Variants in DEF8 observed in about 807,000 individuals in gnomAD.
The protein encoded by DEF8 is differentially expressed in FDCP 8 homolog, also known as DEF-8.
Under a neutral mutation model 59.1 loss-of-function variants are expected in DEF8, and 38 were observed. The ratio of observed to expected loss-of-function variants is 0.64; its 90% CI spans 0.50 to 0.84. The LOEUF (loss-of-function observed/expected upper bound fraction) is 0.84, where lower values mean the gene tolerates loss of function less well. DEF8 is among the 40% of genes least tolerant of loss of function. The pLI, the probability that DEF8 is intolerant of heterozygous loss-of-function variation, is 0.00. For missense variants in DEF8, 557 were observed against 615.2 expected, an observed-to-expected ratio of 0.91 and a Z score of 1.00; for synonymous variants, 265 against 250.1, an observed-to-expected ratio of 1.06 and a Z score of -0.56.
intron 5 of DEF8, chr16:89,958,677 C>T (rs2033605481): frequency 5.7e-6 from 2 of 348,216 alleles, no homozygotes; most frequent in South Asian, 5.5e-5. Flanking sequence ...TTCCATTGCC[C>T]TGCACCTAAC....
At chr16:89,962,785 T>C (rs1387478310) in intron 9 of DEF8, among the ~76,000 whole-genome samples, 1 of 152,272 alleles carries the variant, frequency 6.6e-6, no homozygotes, top group Non-Finnish European at 1.5e-5. Context: ...CTTTTTCTTT[T>C]TTGTGCCACG....
At position 89,948,756 on chromosome 16, in the gene DEF8, T is replaced by C; in HGVS notation, c.-166T>C. On this transcript the variant is annotated 5_prime_UTR_variant, in exon 1 of 13. Coordinates refer to ENST00000563594, the MANE Select transcript of DEF8 (RefSeq NM_001242818.2). ...AGCGAGCGCGGGGCTGGATCCAGCG[T>C]AGCGGGGCGGCCGGGCGGATCCAGC... is the stretch of plus-strand genomic sequence containing the variant. 1.0e-6 allele frequency: 1 copy of C among 982,946 alleles called. No individual in the cohort carries two copies. Among genetic ancestry groups the C allele is most frequent in the African/African-American group, 1.8e-5 (1 of 56,220 alleles). 60.9% of individuals were successfully genotyped at this position (982,946 alleles called of 1,614,324 possible).
chr16:89,959,662 T>C (rs191552418), intron 6 of DEF8, among the ~76,000 whole-genome samples: 2 of 151,982 alleles, frequency 1.3e-5, no homozygotes, highest in Non-Finnish European at 2.9e-5. Context: ...GCCCGGCTAA[T>C]TTTTTGTATT....
At chr16:89,956,157 G>A (rs2033145158) in intron 4 of DEF8, among the ~76,000 whole-genome samples, 1 of 149,488 alleles carries the variant, frequency 6.7e-6, no homozygotes, top group Non-Finnish European at 1.5e-5. Flanking sequence ...ACATTCAAAT[G>A]TAACTTTGAA....
chr16:89,957,484 G>C (rs1301547612), intron 4 of DEF8, 27 bp from the exon 5 acceptor site: 2 of 1,560,280 alleles, frequency 1.3e-6, no homozygotes, highest in Non-Finnish European at 1.7e-6. Context: ...ATGGGCCTTT[G>C]ACTGCCCCCG....
In DEF8 at chr16:89,967,200, C is replaced by A. The variant is rs1157009483; in HGVS notation, c.*1237C>A. ...CTCCTGTCTGTCCTTTTCCCCCACACCCTGGACTGTGCTTGGCTGTTGGTG... is the reference window on the plus strand; with the variant it reads ...CTCCTGTCTGTCCTTTTCCCCCACAACCTGGACTGTGCTTGGCTGTTGGTG... On this transcript the variant is annotated 3_prime_UTR_variant, in exon 13 of 13. Transcript: ENST00000563594. 1.1e-4 allele frequency: 42 copies of A among 398,322 alleles called. No individual in the cohort carries two copies. Among genetic ancestry groups the A allele is most frequent in the Non-Finnish European group, 4.4e-6 (1 of 226,200 alleles). The allele number at this position is 398,322 out of a possible 1,614,324, so 24.7% of individuals were successfully genotyped here.
At chr16:89,960,335 G>A (rs140387093) in intron 6 of DEF8, among the ~76,000 whole-genome samples, 100 of 152,122 alleles carry the variant, frequency 6.6e-4, no homozygotes, top group African/African-American at 2.3e-3. Flanking sequence ...GTTTGGAAAC[G>A]GAATGTAACA....
Position 89,964,577 on chromosome 16 carries a change from TGGGTGTGGCCTGGGCCCCGCACTCGG to T in DEF8, c.1253+6_1253+31del. ...CGACTGCTCCGCGGTCTTCCACAGGTGGGTGTGGCCTGGGCCCCGCACTCGGGGGCTGGGGCTCTGCGCTGTCCTCT... is the reference window on the plus strand; with the variant it reads ...CGACTGCTCCGCGGTCTTCCACAGGTGGGCTGGGGCTCTGCGCTGTCCTCT... On this transcript the variant is annotated splice_donor_5th_base_variant and intron_variant, in intron 12 of 12. Coordinates refer to ENST00000563594, the MANE Select transcript of DEF8 (RefSeq NM_001242818.2). 1 of 1,558,596 alleles carries T rather than the reference TGGGTGTGGCCTGGGCCCCGCACTCGG, an allele frequency of 6.4e-7. No homozygotes were observed. The highest frequency in any genetic ancestry group is 8.7e-7 in the Non-Finnish European group (1 of 1,153,462).
chr16:89,958,935 A>G, intron 5 of DEF8, 79 bp from the exon 6 acceptor site: 1 of 1,564,546 alleles, frequency 6.4e-7, no homozygotes, highest in South Asian at 1.2e-5. Context: ...TGGAAGAAAT[A>G]AGTTGAGGGG....
At position 89,964,684 on chromosome 16, in the gene DEF8, C is replaced by A. The variant is rs1159666986; in HGVS notation, c.1253+109C>A. 22 of 777,150 alleles carry A rather than the reference C, an allele frequency of 2.8e-5. No homozygotes were observed. In the Admixed American group the frequency reaches 4.9e-4, roughly 17 times the overall value. The allele number at this position is 777,150 out of a possible 1,614,324, so 48.1% of individuals were successfully genotyped here. On this transcript the variant is annotated intron_variant, in intron 12 of 12. Coordinates refer to ENST00000563594, the MANE Select transcript of DEF8 (RefSeq NM_001242818.2). ...GATGCCGTGGGAGCTGGCACTGCTC[C>A]CCCGAGAAAGGGGAGACATAAAGAC...
intron 9 of DEF8, 152 bp downstream of exon 9, chr16:89,962,277 C>A: frequency 1.5e-6 from 1 of 674,940 alleles, no homozygotes; most frequent in Admixed American, 2.5e-5. Flanking sequence ...CCGCGGCTGC[C>A]CTTTTGGTTG....
Position 89,966,049 on chromosome 16 carries a change from C to T in DEF8, c.*86C>T. ...AGTTGTTCCTTCTGCTCCGGAGACCCCTGGGGTGCGGCCCTGGCCCCCTCC... is the reference window on the plus strand; with the variant it reads ...AGTTGTTCCTTCTGCTCCGGAGACCTCTGGGGTGCGGCCCTGGCCCCCTCC... On this transcript the variant is annotated 3_prime_UTR_variant, in exon 13 of 13. Transcript: ENST00000563594. 2 of 1,098,780 alleles carry T rather than the reference C, an allele frequency of 1.8e-6. No homozygotes were observed. Among genetic ancestry groups the T allele is most frequent in the Non-Finnish European group, 2.7e-6 (2 of 752,438 alleles). The allele number at this position is 1,098,780 out of a possible 1,614,324, so 68.1% of individuals were successfully genotyped here.
intron 2 of DEF8, among the ~76,000 whole-genome samples, chr16:89,953,668 G>T (rs1366163281): frequency 6.6e-6 from 1 of 152,212 alleles, no homozygotes; most frequent in African/African-American, 2.4e-5. Flanking sequence ...GGTGGGCCCT[G>T]CTCACTCACC....
In DEF8 at chr16:89,961,076, C is replaced by T. The variant is rs775414042; in HGVS notation, c.660C>T (p.Cys220=). Residue 220 remains cysteine (C), a synonymous_variant, in exon 7 of 13, where the codon TGC becomes TGT. Coordinates refer to ENST00000563594, the MANE Select transcript of DEF8 (RefSeq NM_001242818.2). ...LDSQDYRCAE[C]RAPISLRGVP... Reference sequence around the variant, plus strand: ...GCCAGGATTACCGCTGTGCCGAGTGCCGGGCGCCCATCTCTCTGCGTGAGT... The same window carrying T: ...GCCAGGATTACCGCTGTGCCGAGTGTCGGGCGCCCATCTCTCTGCGTGAGT... 1.9e-6 allele frequency: 3 copies of T among 1,612,542 alleles called. No individual in the cohort carries two copies. Among genetic ancestry groups the T allele is most frequent in the Admixed American group, 1.7e-5 (1 of 59,976 alleles).
rs552773065 is a variant in DEF8 at position 89,954,531 on chromosome 16, G to C, written c.124+155G>C. Among the ~76,000 whole-genome samples the C allele has an allele frequency of 1.4e-3, 212 of 152,188 alleles. No individual in the cohort carries two copies. Among genetic ancestry groups the C allele is most frequent in the Non-Finnish European group, 2.1e-3 (141 of 68,030 alleles). On this transcript the variant is annotated intron_variant, in intron 3 of 12. Coordinates refer to ENST00000563594, the MANE Select transcript of DEF8 (RefSeq NM_001242818.2). The surrounding 1 kb of genome is among the most constrained non-coding windows in gnomAD (Gnocchi z 4.3). Reference sequence around the variant, plus strand: ...TCTTTTTCCCATCTCTTCTGTGGTCGTGTGGTTTGTTTCTGTGTCCCCACT... The same window carrying C: ...TCTTTTTCCCATCTCTTCTGTGGTCCTGTGGTTTGTTTCTGTGTCCCCACT...
chr16:89,964,356 G>T, intron 11 of DEF8, 46 bp downstream of exon 11: 3 of 1,549,840 alleles, frequency 1.9e-6, no homozygotes, highest in Non-Finnish European at 2.6e-6. Context: ...CCAGCCCTGA[G>T]GGGGGATTGG....
intron 4 of DEF8, among the ~76,000 whole-genome samples, chr16:89,955,868 G>T (rs952379276): frequency 6.6e-6 from 1 of 150,626 alleles, no homozygotes; most frequent in Non-Finnish European, 1.5e-5. Flanking sequence ...GTCAGGAGAT[G>T]GAGACCATCC....
intron 2 of DEF8, among the ~76,000 whole-genome samples, chr16:89,949,915 C>T (rs543250984): frequency 6.6e-6 from 1 of 152,214 alleles, no homozygotes; most frequent in East Asian, 1.9e-4. Context: ...TCAGAGTCGG[C>T]CACTGTGGCC....
In DEF8 at chr16:89,957,057, G is replaced by A. The variant is rs553905203; in HGVS notation, c.223-454G>A. ...GTGAGCCCCCTGGTCGCTATGTGGC[G>A]AAAGCAACCAGAAGTGCTGGGGCTG... On this transcript the variant is annotated intron_variant, in intron 4 of 12. Transcript: ENST00000563594. Among the ~76,000 whole-genome samples, 4 of 152,290 alleles carry A rather than the reference G, an allele frequency of 2.6e-5. No homozygotes were observed. In the East Asian group the frequency reaches 5.8e-4, roughly 22 times the overall value.
Sources: gnomAD v4.1 joint callset for allele counts (sites outside exome capture counted in the v4.1 genomes callset) on GRCh38, gnomAD v4.1.1 for gene constraint, Gnocchi (gnomAD v3.1) non-coding constraint, MANE v1.5 for transcripts, NCBI Gene and HGNC (gene_info 2026-07-23, HGNC 2026-07-21) for gene names.